Variants in JAM3 observed in about 807,000 individuals in gnomAD.
The protein encoded by JAM3 is junctional adhesion molecule 3.
JAM3 carries 31 observed loss-of-function variants against 39.4 expected under a neutral mutation model. The ratio of observed to expected loss-of-function variants is 0.79; its 90% CI spans 0.59 to 1.06. The LOEUF (loss-of-function observed/expected upper bound fraction) is 1.06, where lower values mean the gene tolerates loss of function less well. Ranked by LOEUF, JAM3 falls within the 50% of genes least tolerant of loss-of-function variation. The pLI, the probability that JAM3 is intolerant of heterozygous loss-of-function variation, is 0.00. For synonymous variants in JAM3, 182 were observed against 148.7 expected (o/e 1.22, Z -1.63); for missense variants, 455 against 391.4 (o/e 1.16, Z -1.37).
At chr11:134,077,903 C>T (rs895560604) in intron 1 of JAM3, among the ~76,000 whole-genome samples, 4 of 151,602 alleles carry the variant, frequency 2.6e-5, no homozygotes, top group East Asian at 2.0e-4. Context: ...CCGCCCGCCT[C>T]GGCTTCCCAA....
chr11:134,133,187 G>C (rs1195423374), intron 1 of JAM3, among the ~76,000 whole-genome samples: 1 of 151,280 alleles, frequency 6.6e-6, no homozygotes, highest in Non-Finnish European at 1.5e-5. Flanking sequence ...TAATATTTTT[G>C]GTGTGTGGAA....
chr11:134,110,916 A>G (rs1381645430), intron 1 of JAM3, among the ~76,000 whole-genome samples: 1 of 152,080 alleles, frequency 6.6e-6, no homozygotes, highest in Non-Finnish European at 1.5e-5. Flanking sequence ...GGCCATGTGA[A>G]TGAGTGATCT....
intron 1 of JAM3, among the ~76,000 whole-genome samples, chr11:134,075,989 T>C (rs1941562585): frequency 6.6e-6 from 1 of 152,246 alleles, no homozygotes; most frequent in South Asian, 2.1e-4. Flanking sequence ...TACAGCTAAC[T>C]TTTTCTGCTT....
chr11:134,124,249 G>A, intron 1 of JAM3: 1 of 1,113,052 alleles, frequency 9.0e-7, no homozygotes, highest in Non-Finnish European at 1.4e-6. Context: ...AACTCGTTGA[G>A]AGTAGCACTG....
intron 1 of JAM3, among the ~76,000 whole-genome samples, chr11:134,113,655 G>T (rs1436108316): frequency 6.6e-6 from 1 of 152,168 alleles, no homozygotes; most frequent in Admixed American, 6.5e-5. Context: ...ATAAACATCC[G>T]TGTGCATGTG....
At chr11:134,086,589 G>A (rs955372732) in intron 1 of JAM3, among the ~76,000 whole-genome samples, 4 of 152,112 alleles carry the variant, frequency 2.6e-5, no homozygotes, top group Non-Finnish European at 5.9e-5. Context: ...AGAGGTTTTA[G>A]TGGAAATTCC....
rs372438837 is a variant in JAM3, at chr11:134,144,750, C to T, written c.410-42C>T. The T allele has an allele frequency of 3.3e-6, 5 of 1,519,564 alleles. No individual in the cohort carries two copies. The Admixed American group carries it at 6.7e-5, about 20-fold the overall frequency. 94.1% of individuals were successfully genotyped at this position (1,519,564 alleles called of 1,614,324 possible). On this transcript the variant is annotated intron_variant, in intron 4 of 8. Coordinates refer to ENST00000299106, the MANE Select transcript of JAM3 (RefSeq NM_032801.5). ...TTCTGGGCTTTAATAAGAATAGAGC[C>T]CTGTCACTGAGATCTTAAACACCAC...
intron 1 of JAM3, among the ~76,000 whole-genome samples, chr11:134,087,244 AT>A (rs1941760296): frequency 6.6e-6 from 1 of 152,170 alleles, no homozygotes; most frequent in African/African-American, 2.4e-5. Context: ...TTTTTTGCAT[AT>A]TAGGAAAAAG....
intron 1 of JAM3, among the ~76,000 whole-genome samples, chr11:134,080,367 G>T (rs1941645086): frequency 6.6e-6 from 1 of 152,192 alleles, no homozygotes. Context: ...TCCAAAAAGT[G>T]CTTTTATGCA....
At chr11:134,132,801 G>T (rs1942792667) in intron 1 of JAM3, among the ~76,000 whole-genome samples, 1 of 152,208 alleles carries the variant, frequency 6.6e-6, no homozygotes, top group South Asian at 2.1e-4. Context: ...GGGGGGGCCT[G>T]CTAAGACTGG....
At chr11:134,114,563 A>G (rs971820835) in intron 1 of JAM3, among the ~76,000 whole-genome samples, 11 of 152,180 alleles carry the variant, frequency 7.2e-5, no homozygotes, top group Admixed American at 5.2e-4. Context: ...TGGTACCAGG[A>G]CCAAGCTAAA....
intron 1 of JAM3, among the ~76,000 whole-genome samples, chr11:134,112,501 A>G (rs1407868011): frequency 6.6e-6 from 1 of 152,198 alleles, no homozygotes; most frequent in African/African-American, 2.4e-5. Flanking sequence ...TATAAATTAT[A>G]TATGCTGACA....
In JAM3 at chr11:134,140,147, C is replaced by A. The variant is rs12575294; in HGVS notation, c.142+231C>A. On this transcript the variant is annotated intron_variant, in intron 2 of 8. Transcript: ENST00000299106. ...CCTGCCTGGCTTTGTGATCACACAACAAATAAATTTCTTTTTTCTTTTTGA... is the reference window on the plus strand; with the variant it reads ...CCTGCCTGGCTTTGTGATCACACAAAAAATAAATTTCTTTTTTCTTTTTGA... Among the ~76,000 whole-genome samples, 11,683 of 152,260 alleles carry A rather than the reference C, an allele frequency of 0.077. 588 individuals carry two copies. The highest frequency in any genetic ancestry group is 0.11 in the Admixed American group (1,654 of 15,302).
chr11:134,137,029 T>C (rs1482648059), intron 1 of JAM3, among the ~76,000 whole-genome samples: 1 of 150,830 alleles, frequency 6.6e-6, no homozygotes, highest in African/African-American at 2.4e-5. Flanking sequence ...AGGAGAATGG[T>C]GTGAACCCAA....
intron 1 of JAM3, among the ~76,000 whole-genome samples, chr11:134,105,693 T>C (rs1299879319): frequency 4.2e-5 from 6 of 143,638 alleles, no homozygotes; most frequent in Non-Finnish European, 9.0e-5. Flanking sequence ...TCACAAGCAT[T>C]CTTATATACC....
chr11:134,137,336 A>G (rs1427876420), intron 1 of JAM3, among the ~76,000 whole-genome samples: 1 of 152,204 alleles, frequency 6.6e-6, no homozygotes, highest in East Asian at 1.9e-4. Flanking sequence ...ACCTGTTGTT[A>G]CCAACTCTAG....
chr11:134,079,644 A>G (rs184448899), intron 1 of JAM3, among the ~76,000 whole-genome samples: 3 of 152,344 alleles, frequency 2.0e-5, no homozygotes, highest in Admixed American at 2.0e-4. Flanking sequence ...TGTAATCCAA[A>G]TCACTTGAAA....
intron 1 of JAM3, among the ~76,000 whole-genome samples, chr11:134,119,091 T>G (rs1280198235): frequency 6.6e-6 from 1 of 151,738 alleles, no homozygotes; most frequent in African/African-American, 2.4e-5. Flanking sequence ...GGCTAATTTT[T>G]GTATTTTTTT....
intron 1 of JAM3, among the ~76,000 whole-genome samples, chr11:134,084,331 C>A (rs1274985330): frequency 6.6e-6 from 1 of 152,160 alleles, no homozygotes; most frequent in Non-Finnish European, 1.5e-5. Flanking sequence ...CATAGCTAGA[C>A]CGAGGTTTGA....
Sources: gnomAD v4.1 joint callset for allele counts (sites outside exome capture counted in the v4.1 genomes callset) on GRCh38, gnomAD v4.1.1 for gene constraint, MANE v1.5 for transcripts, NCBI Gene and HGNC (gene_info 2026-07-23, HGNC 2026-07-21) for gene names.